Variants in ADAMTSL1 observed in about 807,000 individuals in gnomAD.
The protein encoded by ADAMTSL1 is ADAMTS-like protein 1.
ADAMTSL1 carries 126 observed loss-of-function variants against 201.8 expected under a neutral mutation model. The ratio of observed to expected loss-of-function variants is 0.62; its 90% CI spans 0.54 to 0.72. The LOEUF is 0.72. Among genes scored for constraint, ADAMTSL1 ranks in the 30% least tolerant of loss-of-function variants. The pLI is 0.00. For missense variants in ADAMTSL1, 2,679 were observed against 2,277.8 expected, an observed-to-expected ratio of 1.18 and a Z score of -3.59; for synonymous variants, 1,121 against 903.4, an observed-to-expected ratio of 1.24 and a Z score of -4.32.
chr9:18,903,786 G>C (rs1010758923), intron 26 of ADAMTSL1, among the ~76,000 whole-genome samples: 31 of 151,178 alleles, frequency 2.1e-4, no homozygotes, highest in African/African-American at 6.6e-4. Flanking sequence ...CAATCTCACA[G>C]AACCCGCATA....
chr9:18,610,871 TTTAA>T (rs1344965513), intron 4 of ADAMTSL1, among the ~76,000 whole-genome samples: 1 of 151,966 alleles, frequency 6.6e-6, no homozygotes, highest in African/African-American at 2.4e-5. Flanking sequence ...TAAACAAGAG[TTTAA>T]TTGTGTGTAG....
chr9:18,003,120 C>T (rs1283426750), intron 1 of ADAMTSL1, among the ~76,000 whole-genome samples: 1 of 151,920 alleles, frequency 6.6e-6, no homozygotes, highest in East Asian at 1.9e-4. Flanking sequence ...GGAGCAGAGG[C>T]TGTGGGTAGA....
intron 1 of ADAMTSL1, among the ~76,000 whole-genome samples, chr9:18,494,719 C>A (rs1225351384): frequency 6.6e-6 from 1 of 152,172 alleles, no homozygotes; most frequent in Non-Finnish European, 1.5e-5. Flanking sequence ...TGGCTCTTCA[C>A]CTTTTTTGAA....
intron 1 of ADAMTSL1, among the ~76,000 whole-genome samples, chr9:18,109,418 T>A (rs1187240069): frequency 6.6e-6 from 1 of 152,242 alleles, no homozygotes; most frequent in African/African-American, 2.4e-5. Context: ...GTATCATATG[T>A]TGGCCAGTCT....
chr9:18,440,844 G>A (rs1819964248), intron 2 of ADAMTSL1, among the ~76,000 whole-genome samples: 1 of 151,852 alleles, frequency 6.6e-6, no homozygotes, highest in African/African-American at 2.4e-5. Flanking sequence ...AAATCTATTT[G>A]GTTGAGCTAT....
At chr9:18,085,619 G>A (rs533525175) in intron 1 of ADAMTSL1, among the ~76,000 whole-genome samples, 16 of 143,788 alleles carry the variant, frequency 1.1e-4, no homozygotes, top group South Asian at 8.7e-4. Flanking sequence ...GTGTGTATAC[G>A]TATATACACT....
chr9:18,033,091 A>G (rs1267297309), intron 1 of ADAMTSL1, among the ~76,000 whole-genome samples: 5 of 152,184 alleles, frequency 3.3e-5, no homozygotes, highest in African/African-American at 1.2e-4. Context: ...AAATTATACA[A>G]AAATAATATA....
intron 2 of ADAMTSL1, among the ~76,000 whole-genome samples, chr9:18,241,471 G>A (rs559508849): frequency 6.6e-6 from 1 of 152,002 alleles, no homozygotes; most frequent in African/African-American, 2.4e-5. Context: ...TTGCAGTAGA[G>A]CCTTCCTTTC....
intron 16 of ADAMTSL1, 61 bp downstream of exon 16, chr9:18,753,569 A>G: frequency 6.5e-7 from 1 of 1,536,108 alleles, no homozygotes. Context: ...CAAAAAAGGG[A>G]TGCTCTCTCA....
chr9:18,327,768 A>G (rs928090217), intron 2 of ADAMTSL1, among the ~76,000 whole-genome samples: 2 of 152,244 alleles, frequency 1.3e-5, no homozygotes, highest in East Asian at 3.9e-4. Flanking sequence ...AAAGAGTTAT[A>G]CACTGAGTTT....
intron 16 of ADAMTSL1, among the ~76,000 whole-genome samples, chr9:18,769,073 A>G (rs1161021509): frequency 2.0e-5 from 3 of 152,200 alleles, no homozygotes; most frequent in Non-Finnish European, 4.4e-5. Context: ...AAAGCTCCCC[A>G]GGAGACCTTG....
intron 5 of ADAMTSL1, among the ~76,000 whole-genome samples, chr9:18,624,509 G>T (rs1338300139): frequency 6.6e-6 from 1 of 152,150 alleles, no homozygotes; most frequent in Non-Finnish European, 1.5e-5. Context: ...AGGAATCTAG[G>T]AATTACTGTT....
intron 2 of ADAMTSL1, among the ~76,000 whole-genome samples, chr9:18,326,221 A>G (rs140339943): frequency 4.0e-4 from 61 of 152,356 alleles, no homozygotes; most frequent in African/African-American, 1.4e-3. Context: ...ATGTACTATA[A>G]TAAGGCAAAA....
chr9:18,310,117 G>A (rs1307773503), intron 2 of ADAMTSL1, among the ~76,000 whole-genome samples: 1 of 151,878 alleles, frequency 6.6e-6, no homozygotes, highest in Non-Finnish European at 1.5e-5. Context: ...ATGGTGTTAG[G>A]AAAACTGGCT....
At chr9:18,406,083 C>T (rs1818180091) in intron 2 of ADAMTSL1, among the ~76,000 whole-genome samples, 1 of 152,150 alleles carries the variant, frequency 6.6e-6, no homozygotes, top group African/African-American at 2.4e-5. Context: ...GAATGCAGTC[C>T]AGTCGTGTTT....
intron 13 of ADAMTSL1, 63 bp downstream of exon 13, chr9:18,684,863 C>A: frequency 1.3e-6 from 2 of 1,544,610 alleles, no homozygotes; most frequent in South Asian, 2.4e-5. Flanking sequence ...AAAGCAGTGT[C>A]TCACTGGTTG....
intron 1 of ADAMTSL1, among the ~76,000 whole-genome samples, chr9:18,037,038 C>CA (rs1180610612): frequency 1.3e-5 from 2 of 152,112 alleles, no homozygotes; most frequent in Non-Finnish European, 1.5e-5. Context: ...GGTGATGTGT[C>CA]GTCTAATCTC....
intron 1 of ADAMTSL1, among the ~76,000 whole-genome samples, chr9:17,984,488 C>G (rs1818843526): frequency 6.6e-6 from 1 of 151,868 alleles, no homozygotes; most frequent in Middle Eastern, 3.4e-3. Context: ...TGTATTGTAT[C>G]CCATTATAGG....
chr9:18,573,888 G>A (rs936723388), intron 3 of ADAMTSL1, 142 bp from the exon 4 acceptor site: 2 of 649,902 alleles, frequency 3.1e-6, no homozygotes, highest in South Asian at 4.1e-5. Context: ...TAACCTCTAA[G>A]ATGATATTAT....
Sources: gnomAD v4.1 joint callset for allele counts (sites outside exome capture counted in the v4.1 genomes callset) on GRCh38, gnomAD v4.1.1 for gene constraint, MANE v1.5 for transcripts, NCBI Gene and HGNC (gene_info 2026-07-23, HGNC 2026-07-21) for gene names.